The following SLIT2 variants were observed in gnomAD, a reference collection of about 807,000 sequenced individuals.
SLIT2 encodes slit guidance ligand 2.
In SLIT2, 41 loss-of-function variants were observed where a neutral mutation model predicts 185.7. The observed-to-expected ratio is 0.22, with a 90% CI of 0.17 to 0.29. The LOEUF (loss-of-function observed/expected upper bound fraction) is 0.29, where lower values mean the gene tolerates loss of function less well. Ranked by LOEUF, SLIT2 falls within the 10% of genes least tolerant of loss-of-function variation. The probability of loss-of-function intolerance (pLI) is 1.00; values close to 1 mark genes in which losing one functional copy is unlikely to be tolerated. For synonymous variants in SLIT2, 693 were observed against 680.2 expected (o/e 1.02, Z -0.29); for missense variants, 1,571 against 1,909.0 (o/e 0.82, Z 3.30).
chr4:20,608,551 G>A (rs73255310), intron 33 of SLIT2, among the ~76,000 whole-genome samples: 1 of 152,264 alleles, frequency 6.6e-6, no homozygotes, highest in Non-Finnish European at 1.5e-5. Context: ...GTTTTATAAA[G>A]TTGTTTCCTG....
At chr4:20,567,225 G>A (rs774677860) in intron 26 of SLIT2, 37 bp from the exon 27 acceptor site, 9 of 1,570,344 alleles carry the variant, frequency 5.7e-6, no homozygotes, top group Non-Finnish European at 7.8e-6. Context: ...TAAACTGGAA[G>A]AGCGTCAGTT....
chr4:20,259,807 A>AAT (rs1712245457), intron 3 of SLIT2, among the ~76,000 whole-genome samples: 1 of 151,750 alleles, frequency 6.6e-6, no homozygotes, highest in Non-Finnish European at 1.5e-5. Context: ...AATGAAAACT[A>AAT]ATATATATGC....
intron 4 of SLIT2, among the ~76,000 whole-genome samples, chr4:20,290,577 C>T (rs551581223): frequency 9.2e-5 from 14 of 152,170 alleles, no homozygotes; most frequent in South Asian, 4.1e-4. Flanking sequence ...TACCAAGGGA[C>T]GACTATATGT....
intron 15 of SLIT2, among the ~76,000 whole-genome samples, chr4:20,525,375 A>G (rs1162216181): frequency 6.6e-6 from 1 of 151,924 alleles, no homozygotes; most frequent in East Asian, 1.9e-4. Flanking sequence ...ATATTATTAA[A>G]CTCCACCTTT....
intron 3 of SLIT2, among the ~76,000 whole-genome samples, chr4:20,267,806 C>G (rs1366531332): frequency 6.6e-6 from 1 of 151,770 alleles, no homozygotes; most frequent in East Asian, 1.9e-4. Context: ...ATCTTTAAAA[C>G]TTAAGAAATA....
At chr4:20,391,460 A>G (rs1438522052) in intron 4 of SLIT2, among the ~76,000 whole-genome samples, 1 of 152,124 alleles carries the variant, frequency 6.6e-6, no homozygotes, top group Non-Finnish European at 1.5e-5. Context: ...CATAGAAAGT[A>G]CATTCTTTAC....
chr4:20,291,076 A>G lies in SLIT2; in HGVS notation c.395+22195A>G, dbSNP rs368239436. On this transcript the variant is annotated intron_variant, in intron 4 of 36. Coordinates refer to ENST00000504154, the MANE Select transcript of SLIT2 (RefSeq NM_004787.4). ...TTTTTTTCATCTGGCTCTCCACTGAACTTAAAAGTAGAGACTGAATTTAGT... is the reference window on the plus strand; with the variant it reads ...TTTTTTTCATCTGGCTCTCCACTGAGCTTAAAAGTAGAGACTGAATTTAGT... Among the ~76,000 whole-genome samples, 283 of 152,020 alleles carry G rather than the reference A, an allele frequency of 1.9e-3. 1 individual carries two copies. The highest frequency in any genetic ancestry group is 5.5e-3 in the African/African-American group (230 of 41,470).
intron 4 of SLIT2, among the ~76,000 whole-genome samples, chr4:20,354,310 G>T (rs1190111285): frequency 2.0e-5 from 3 of 151,338 alleles, no homozygotes; most frequent in Non-Finnish European, 4.4e-5. Flanking sequence ...GGTAATTTGT[G>T]GTCAGTGGAG....
At chr4:20,520,600 C>T (rs1473886171) in intron 12 of SLIT2, among the ~76,000 whole-genome samples, 2 of 151,896 alleles carry the variant, frequency 1.3e-5, no homozygotes, top group Non-Finnish European at 2.9e-5. Context: ...AAATATATTC[C>T]TGAATTTATA....
At chr4:20,591,306 C>T (rs982755696) in intron 30 of SLIT2, among the ~76,000 whole-genome samples, 1 of 152,146 alleles carries the variant, frequency 6.6e-6, no homozygotes, top group African/African-American at 2.4e-5. Flanking sequence ...CCGAACAGAT[C>T]ATCAGATATT....
intron 33 of SLIT2, among the ~76,000 whole-genome samples, chr4:20,600,222 T>G (rs559566926): frequency 6.6e-6 from 1 of 152,122 alleles, no homozygotes; most frequent in African/African-American, 2.4e-5. Flanking sequence ...AGGTTTTTGG[T>G]TTGGCTTATT....
chr4:20,573,305 CTCTT>C, intron 29 of SLIT2: 1 of 702,840 alleles, frequency 1.4e-6, no homozygotes, highest in East Asian at 2.7e-5. Flanking sequence ...TTTAGTCTCC[CTCTT>C]TCTTGTAAAG....
chr4:20,289,859 T>C (rs1478342549), intron 4 of SLIT2, among the ~76,000 whole-genome samples: 1 of 152,198 alleles, frequency 6.6e-6, no homozygotes, highest in Non-Finnish European at 1.5e-5. Context: ...CTAGTTAAGA[T>C]ATAAACCCTC....
intron 5 of SLIT2, among the ~76,000 whole-genome samples, chr4:20,475,789 T>C (rs1716037888): frequency 6.6e-6 from 1 of 152,108 alleles, no homozygotes; most frequent in Non-Finnish European, 1.5e-5. Flanking sequence ...AATGTAGTTG[T>C]CCTTCCCTCA....
chr4:20,408,844 TG>T (rs1726974915), intron 4 of SLIT2, among the ~76,000 whole-genome samples: 2 of 152,246 alleles, frequency 1.3e-5, no homozygotes, highest in Non-Finnish European at 1.5e-5. Context: ...ATTACTTAAG[TG>T]ACAGTTTTCT....
intron 4 of SLIT2, among the ~76,000 whole-genome samples, chr4:20,305,504 T>C (rs560504880): frequency 6.6e-6 from 1 of 152,196 alleles, no homozygotes; most frequent in South Asian, 2.1e-4. Context: ...GGTAAGAAAA[T>C]GTGGGTTACC....
At chr4:20,615,043 CAT>C (rs1422193989) in intron 34 of SLIT2, 4 of 152,156 alleles carry the variant, frequency 2.6e-5, no homozygotes, top group Non-Finnish European at 4.4e-5. Flanking sequence ...TTATTCTTGA[CAT>C]GTGCACATAT....
rs745522881 is a variant in SLIT2 at position 20,419,770 on chromosome 4, C to T, written c.396-47982C>T. On this transcript the variant is annotated intron_variant, in intron 4 of 36. Coordinates refer to ENST00000504154, the MANE Select transcript of SLIT2 (RefSeq NM_004787.4). ...AAGTTCAAAAATGGTGGCTGCATTC[C>T]GATTACAGCTTGCATTAAAGTTGAA... is the stretch of plus-strand genomic sequence containing the variant. 6.7e-5 allele frequency among the ~76,000 whole-genome samples: 10 copies of T among 149,900 alleles called. No homozygotes were observed. In the South Asian group the frequency reaches 1.1e-3, roughly 16 times the overall value.
chr4:20,586,064 A>G (rs1378014275), intron 29 of SLIT2, among the ~76,000 whole-genome samples: 1 of 152,208 alleles, frequency 6.6e-6, no homozygotes. Context: ...GCAGGCCAGT[A>G]TTCATCTAAG....
Sources: gnomAD v4.1 joint callset for allele counts (sites outside exome capture counted in the v4.1 genomes callset) on GRCh38, gnomAD v4.1.1 for gene constraint, MANE v1.5 for transcripts, NCBI Gene and HGNC (gene_info 2026-07-23, HGNC 2026-07-21) for gene names.